Variants in MIS18BP1 observed in about 807,000 individuals in gnomAD.
MIS18BP1 encodes MIS18 binding protein 1, also known as mis18-binding protein 1.
A neutral mutation model predicts 116.1 loss-of-function variants in MIS18BP1; 72 were observed. That is an observed-to-expected ratio of 0.62 (90% CI 0.51 to 0.75). The LOEUF (loss-of-function observed/expected upper bound fraction) is 0.75, where lower values mean the gene tolerates loss of function less well. Ranked by LOEUF, MIS18BP1 falls within the 30% of genes least tolerant of loss-of-function variation. The pLI, the probability that MIS18BP1 is intolerant of heterozygous loss-of-function variation, is 0.00. For missense variants in MIS18BP1, 1,363 were observed against 1,303.2 expected (o/e 1.05, Z -0.71); for synonymous variants, 386 against 427.0 (o/e 0.90, Z 1.18).
At chr14:45,226,909 T>C in intron 9 of MIS18BP1, 73 bp from the exon 10 acceptor site, 1 of 1,175,992 alleles carries the variant, frequency 8.5e-7, no homozygotes, top group Non-Finnish European at 1.1e-6. Flanking sequence ...ATTTTCATAG[T>C]ATGCATCAAG....
chr14:45,248,582 C>T (rs1446955052), intron 1 of MIS18BP1, among the ~76,000 whole-genome samples: 4 of 151,788 alleles, frequency 2.6e-5, no homozygotes, highest in South Asian at 2.1e-4. Context: ...TAAAAAAAAA[C>T]TATCACAGAA....
chr14:45,207,420 G>A (rs1359492219), intron 14 of MIS18BP1, among the ~76,000 whole-genome samples: 3 of 152,220 alleles, frequency 2.0e-5, no homozygotes, highest in Non-Finnish European at 4.4e-5. Context: ...GGAGGCTGAG[G>A]CTGGCGGATT....
intron 4 of MIS18BP1, among the ~76,000 whole-genome samples, chr14:45,238,451 G>C (rs1041084931): frequency 1.3e-5 from 2 of 152,178 alleles, no homozygotes; most frequent in African/African-American, 4.8e-5. Flanking sequence ...AAATTCTCCA[G>C]TGGTAGTTTT....
intron 8 of MIS18BP1, among the ~76,000 whole-genome samples, chr14:45,229,763 T>C (rs1891225171): frequency 6.6e-6 from 1 of 152,222 alleles, no homozygotes; most frequent in Non-Finnish European, 1.5e-5. Flanking sequence ...TCAAGGATTT[T>C]CTTGTTTTAG....
In MIS18BP1 at chr14:45,224,159, T is replaced by A. The variant is rs757186715; in HGVS notation, c.2428A>T (p.Thr810Ser). The part of the protein sequence containing the change: ...VVHLRKSTRN[T>S]SNIPVILEPE... ...TCCAAAATCACTGGAATATTACTTG[T>A]GTTTCTTGTGCTCTTTCTCAGGTGA... The change falls in exon 11 of 17, where the codon ACA (threonine) becomes TCA (serine). Residue 810 changes from threonine to serine, a missense_variant. Transcript: ENST00000310806. 7 of 1,613,898 alleles carry A rather than the reference T, an allele frequency of 4.3e-6. No individual in the cohort carries two copies. In the Admixed American group the frequency reaches 5.0e-5, roughly 12 times the overall value.
chr14:45,224,929 C>T (rs1360366997), intron 10 of MIS18BP1, among the ~76,000 whole-genome samples, 183 bp from the exon 11 acceptor site: 1 of 152,222 alleles, frequency 6.6e-6, no homozygotes, highest in Non-Finnish European at 1.5e-5. Flanking sequence ...GCCCCTTCAA[C>T]TGTAAACATA....
At position 45,210,445 on chromosome 14, in the gene MIS18BP1, G is replaced by C. The variant is rs779051974; in HGVS notation, c.3087C>G (p.Ile1029Met). The C allele has an allele frequency of 2.5e-6, 4 of 1,613,920 alleles. No individual in the cohort carries two copies. Among genetic ancestry groups the C allele is most frequent in the Non-Finnish European group, 3.4e-6 (4 of 1,179,960 alleles). Residue 1029 changes from isoleucine (I) to methionine (M), a missense_variant, in exon 14 of 17, where the codon ATC becomes ATG. By Grantham distance (10) the Ile-to-Met change is conservative. Transcript: ENST00000310806. The part of the protein sequence containing the change: ...DKNPTTPSSV[I>M]FPLVKTPQCQ... The stretch of plus-strand genomic sequence containing the variant: ...ATTGAGGAGTTTTTACCAATGGAAA[G>C]ATAACTGATGATGGAGTTGTTGGAT...
At chr14:45,242,923 C>T in intron 2 of MIS18BP1, 49 bp from the exon 3 acceptor site, 1 of 1,269,594 alleles carries the variant, frequency 7.9e-7, no homozygotes, top group Non-Finnish European at 1.1e-6. Context: ...GTATTAGTCA[C>T]TAAGAAAAAA....
At position 45,203,681 on chromosome 14, in the gene MIS18BP1, T is replaced by G. The variant is rs1890426996; in HGVS notation, c.*428A>C. The G allele has an allele frequency of 6.5e-6, 1 of 152,944 alleles. No homozygotes were observed. The highest frequency in any genetic ancestry group is 1.5e-5 in the Non-Finnish European group (1 of 68,640). 9.5% of individuals were successfully genotyped at this position (152,944 alleles called of 1,614,324 possible). On this transcript the variant is annotated 3_prime_UTR_variant, in exon 17 of 17. Transcript: ENST00000310806. The stretch of plus-strand genomic sequence containing the variant: ...ATCCTACTCTGGCTTGGATAATAAC[T>G]GCTAACAAATGCTAACTTAAAAGTT...
At position 45,252,795 on chromosome 14, in the gene MIS18BP1, G is replaced by A. The variant is rs1019061423; in HGVS notation, c.-92+240C>T. On this transcript the variant is annotated intron_variant, in intron 1 of 16. Transcript: ENST00000310806. The stretch of plus-strand genomic sequence containing the variant: ...AAAAAAAAAAAAAAAATTTATTTTA[G>A]AACAAAGACCTAGAACGCTCACCAT... 5.3e-5 allele frequency among the ~76,000 whole-genome samples: 8 copies of A among 151,092 alleles called. 1 individual carries two copies. In the South Asian group the frequency reaches 1.7e-3, roughly 32 times the overall value.
chr14:45,209,598 C>T (rs1254059911), intron 14 of MIS18BP1, among the ~76,000 whole-genome samples: 1 of 152,122 alleles, frequency 6.6e-6, no homozygotes, highest in Non-Finnish European at 1.5e-5. Context: ...GGATTACAGG[C>T]TTCAGCCACT....
chr14:45,232,243 T>C (rs371462716), intron 7 of MIS18BP1, among the ~76,000 whole-genome samples: 214 of 151,430 alleles, frequency 1.4e-3, no homozygotes, highest in South Asian at 2.1e-3. Flanking sequence ...GGTGAAACCC[T>C]GTCTCTACTA....
Position 45,217,179 on chromosome 14 carries a change from C to T in MIS18BP1, c.2843G>A (p.Gly948Asp). The T allele has an allele frequency of 6.2e-7, 1 of 1,612,690 alleles. No individual in the cohort carries two copies. Among genetic ancestry groups the T allele is most frequent in the South Asian group, 1.1e-5 (1 of 90,758 alleles). Residue 948 changes from glycine (G) to aspartate (D), a missense_variant and splice_region_variant, in exon 13 of 17, where the codon GGC becomes GAC. Coordinates refer to ENST00000310806, the MANE Select transcript of MIS18BP1 (RefSeq NM_018353.5). Reference sequence around the variant, plus strand: ...TTTCTGATCAGCATCACCTCTCTTGCCTTAAGAGTCAGCAAACCATTTTGA... The same window carrying T: ...TTTCTGATCAGCATCACCTCTCTTGTCTTAAGAGTCAGCAAACCATTTTGA... ...KKPANSKGQN[G>D]KRGDADQKQT...
chr14:45,234,597 G>A (rs1396329019), intron 6 of MIS18BP1, among the ~76,000 whole-genome samples: 1 of 152,190 alleles, frequency 6.6e-6, no homozygotes, highest in Non-Finnish European at 1.5e-5. Flanking sequence ...AAAGGAGGAG[G>A]TATTGGAGAT....
intron 11 of MIS18BP1, among the ~76,000 whole-genome samples, chr14:45,221,254 C>T (rs1007056894): frequency 1.1e-4 from 17 of 151,916 alleles, no homozygotes; most frequent in South Asian, 2.1e-4. Flanking sequence ...CTGGCTAACA[C>T]GGTGAAACCC....
intron 15 of MIS18BP1, among the ~76,000 whole-genome samples, chr14:45,205,526 C>T (rs1890490767): frequency 1.3e-5 from 2 of 152,004 alleles, no homozygotes; most frequent in South Asian, 4.1e-4. Context: ...AAAGGACTGT[C>T]CTAATCTTTT....
rs1229295172 is a variant in MIS18BP1, at chr14:45,203,838, T to C, written c.*271A>G. On this transcript the variant is annotated 3_prime_UTR_variant, in exon 17 of 17. Coordinates refer to ENST00000310806, the MANE Select transcript of MIS18BP1 (RefSeq NM_018353.5). ...ATGGTTTTCTTAAAGTAAACAGACT[T>C]GGATGCTTATTAAAAAATTATCTAT... 1 of 184,932 alleles carries C rather than the reference T, an allele frequency of 5.4e-6. No homozygotes were observed. Among genetic ancestry groups the C allele is most frequent in the Non-Finnish European group, 1.1e-5 (1 of 91,614 alleles). 11.5% of individuals were successfully genotyped at this position (184,932 alleles called of 1,614,324 possible). A position where few individuals can be genotyped will look rare whatever the true frequency, so the allele number is the denominator to read the frequency against.
chr14:45,241,810 A>G, intron 4 of MIS18BP1: 3 of 466,218 alleles, frequency 6.4e-6, no homozygotes, highest in Non-Finnish European at 1.1e-5. Flanking sequence ...GCAAAATAAG[A>G]CTTAACATGT....
chr14:45,244,564 C>T (rs1891675435), intron 2 of MIS18BP1, among the ~76,000 whole-genome samples: 1 of 152,260 alleles, frequency 6.6e-6, no homozygotes, highest in South Asian at 2.1e-4. Context: ...AATCCAACTC[C>T]CCCCAATTCT....
Sources: gnomAD v4.1 joint callset for allele counts (sites outside exome capture counted in the v4.1 genomes callset) on GRCh38, gnomAD v4.1.1 for gene constraint, MANE v1.5 for transcripts, NCBI Gene and HGNC (gene_info 2026-07-23, HGNC 2026-07-21) for gene names.